Variants in PCDHA2 observed in about 807,000 individuals in gnomAD.
The protein encoded by PCDHA2 is protocadherin alpha 2.
Under a neutral mutation model 66.0 loss-of-function variants are expected in PCDHA2, and 58 were observed. That is an observed-to-expected ratio of 0.88 (90% CI 0.71 to 1.09). The LOEUF is 1.09. Ranked by LOEUF, PCDHA2 falls within the 50% of genes least tolerant of loss-of-function variation. The probability of loss-of-function intolerance (pLI) is 0.00; values close to 1 mark genes in which losing one functional copy is unlikely to be tolerated. For missense variants in PCDHA2, 1,267 were observed against 1,242.3 expected (o/e 1.02, Z -0.30); for synonymous variants, 634 against 554.0 (o/e 1.14, Z -2.03).
intron 1 of PCDHA2, among the ~76,000 whole-genome samples, chr5:140,826,625 C>A (rs1180979712): frequency 6.6e-6 from 1 of 151,940 alleles, no homozygotes; most frequent in African/African-American, 2.4e-5. Flanking sequence ...TGATATTTGG[C>A]CCTGACTTTT....
intron 1 of PCDHA2, chr5:140,823,465 C>T (rs1554129364): frequency 2.5e-6 from 4 of 1,613,368 alleles, no homozygotes. Context: ...CGCGCCGGCG[C>T]TGCTGGTGCC....
At chr5:141,005,313 T>C (rs1157761147) in intron 3 of PCDHA2, among the ~76,000 whole-genome samples, 1 of 151,958 alleles carries the variant, frequency 6.6e-6, no homozygotes, top group Non-Finnish European at 1.5e-5. Flanking sequence ...AATCTTACAG[T>C]GGTAGAGAAT....
At chr5:140,857,430 T>A in intron 1 of PCDHA2, 2 of 1,598,338 alleles carry the variant, frequency 1.3e-6, no homozygotes, top group African/African-American at 2.7e-5. Context: ...GAGTACACGG[T>A]GTTCGTGAAG....
chr5:140,807,199 C>A, intron 1 of PCDHA2: 1 of 1,613,498 alleles, frequency 6.2e-7, no homozygotes, highest in Non-Finnish European at 8.5e-7. Context: ...TGGAGTTTTC[C>A]TGGGGAAGCG....
chr5:140,856,154 G>C lies in PCDHA2; in HGVS notation c.2388+58802G>C, dbSNP rs147800828. The stretch of plus-strand genomic sequence containing the variant: ...CGGCCAGCTCCACTACTCAGTCTAC[G>C]AGGAGGCCAGACACGGCACCTTCGT... On this transcript the variant is annotated intron_variant, in intron 1 of 3. Transcript: ENST00000526136. 5.9e-5 allele frequency: 95 copies of C among 1,598,194 alleles called. 6 individuals are homozygous for C. The highest frequency in any genetic ancestry group is 7.7e-5 in the Non-Finnish European group (90 of 1,167,888).
At chr5:141,001,280 G>T (rs1308036863) in intron 3 of PCDHA2, among the ~76,000 whole-genome samples, 2 of 152,162 alleles carry the variant, frequency 1.3e-5, no homozygotes, top group South Asian at 2.1e-4. Context: ...TTTTTTTACG[G>T]ATGAAAACTG....
chr5:140,859,016 T>C (rs926930282), intron 1 of PCDHA2: 1 of 151,606 alleles, frequency 6.6e-6, no homozygotes, highest in African/African-American at 2.4e-5. Context: ...TCTTAGCAAT[T>C]AAGTTAAATG....
At chr5:140,929,590 G>T in intron 1 of PCDHA2, 1 of 426,240 alleles carries the variant, frequency 2.3e-6, no homozygotes, top group Non-Finnish European at 4.2e-6. Context: ...TGACATAAAG[G>T]TCTAAAATTA....
chr5:140,801,061 C>T (rs887998358), intron 1 of PCDHA2: 5 of 1,453,574 alleles, frequency 3.4e-6, no homozygotes, highest in Non-Finnish European at 4.5e-6. Flanking sequence ...GCGTGCATTA[C>T]GTATTCAGAT....
chr5:140,893,882 C>G (rs2064212921), intron 1 of PCDHA2, among the ~76,000 whole-genome samples: 1 of 152,140 alleles, frequency 6.6e-6, no homozygotes, highest in Non-Finnish European at 1.5e-5. Flanking sequence ...CCAAAGTGGC[C>G]AGAAAGTTAC....
chr5:140,853,135 T>C, intron 1 of PCDHA2: 2 of 687,812 alleles, frequency 2.9e-6, no homozygotes, highest in Non-Finnish European at 3.7e-6. Context: ...CGCCTCAGCC[T>C]CCCAAAATGC....
intron 1 of PCDHA2, among the ~76,000 whole-genome samples, chr5:140,953,511 G>A (rs1243901831): frequency 1.3e-5 from 2 of 152,114 alleles, no homozygotes; most frequent in Non-Finnish European, 2.9e-5. Flanking sequence ...TTAGGCCAAA[G>A]CAACAAAAAC....
rs1365670963 is a variant in PCDHA2, at chr5:140,796,305, C to T, written c.1341C>T (p.Asp447=). ...CCAGCGTGTCCATCGAGGTGGCCGA[C>T]GTGAACGACAACGCGCCGGCGTTCG... is the stretch of plus-strand genomic sequence containing the variant. ...ATTSVSIEVA[D]VNDNAPAFAQ... is the part of the protein sequence containing the mutation. The change falls in exon 1 of 4, where the codon GAC becomes GAT. Residue 447 remains aspartate (D), a synonymous_variant. Coordinates refer to ENST00000526136, the MANE Select transcript of PCDHA2 (RefSeq NM_018905.3). 1 of 1,614,044 alleles carries T rather than the reference C, an allele frequency of 6.2e-7. No homozygotes were observed. Among genetic ancestry groups the T allele is most frequent in the African/African-American group, 1.3e-5 (1 of 74,954 alleles).
At chr5:140,850,363 G>T (rs1287210610) in intron 1 of PCDHA2, 3 of 1,597,818 alleles carry the variant, frequency 1.9e-6, no homozygotes, top group African/African-American at 1.3e-5. Flanking sequence ...ATCCCGTTCC[G>T]CGTGGGGCTG....
chr5:140,842,160 C>T (rs1777743066), intron 1 of PCDHA2: 3 of 1,613,732 alleles, frequency 1.9e-6, no homozygotes, highest in Non-Finnish European at 2.5e-6. Flanking sequence ...ATTTCATATT[C>T]TTTTAATAGC....
In PCDHA2 at chr5:141,011,833, C is replaced by T. The variant is rs1223674434; in HGVS notation, c.*1896C>T. 6.5e-6 allele frequency: 1 copy of T among 153,366 alleles called. No individual in the cohort carries two copies. Among genetic ancestry groups the T allele is most frequent in the Non-Finnish European group, 1.5e-5 (1 of 67,994 alleles). 9.5% of individuals were successfully genotyped at this position (153,366 alleles called of 1,614,324 possible). On this transcript the variant is annotated 3_prime_UTR_variant, in exon 4 of 4. Transcript: ENST00000526136. ...TAGAAAGTAACAAAATTTGCTGTCA[C>T]CTTAAATAAGACATTTTAATTTTGT...
chr5:140,869,883 T>G, intron 1 of PCDHA2: 1 of 1,610,444 alleles, frequency 6.2e-7, no homozygotes, highest in Admixed American at 1.7e-5. Context: ...AAGAAACTCT[T>G]GTGCTCAAAC....
chr5:140,808,229 C>T (rs1764129045), intron 1 of PCDHA2: 3 of 1,614,060 alleles, frequency 1.9e-6, no homozygotes, highest in Admixed American at 1.7e-5. Context: ...CGATAATGTC[C>T]CAGATTTGGA....
intron 1 of PCDHA2, among the ~76,000 whole-genome samples, chr5:140,817,958 G>A (rs1371560808): frequency 6.6e-6 from 1 of 152,142 alleles, no homozygotes; most frequent in Non-Finnish European, 1.5e-5. Context: ...TTCAATTAGT[G>A]TGTCTTTTTT....
Sources: allele counts gnomAD v4.1 joint callset (sites outside exome capture counted in the v4.1 genomes callset), GRCh38; gene constraint gnomAD v4.1.1; transcripts MANE v1.5; gene names NCBI Gene and HGNC (gene_info 2026-07-23, HGNC 2026-07-21).